Variants in LOXL2 observed in about 807,000 individuals in gnomAD.
LOXL2 encodes the protein lysyl oxidase like 2.
LOXL2 carries 70 observed loss-of-function variants against 93.0 expected under a neutral mutation model. That is an observed-to-expected ratio of 0.75 (90% CI 0.62 to 0.92). The LOEUF is 0.92. Among genes scored for constraint, LOXL2 ranks in the 40% least tolerant of loss-of-function variants. The pLI is 0.00. For missense variants in LOXL2, 973 were observed against 1,054.9 expected (o/e 0.92, Z 1.08); for synonymous variants, 438 against 413.2 (o/e 1.06, Z -0.73).
In LOXL2 at chr8:23,399,728, G is replaced by A. The variant is rs561489336; in HGVS notation, c.-84+4226C>T. The stretch of plus-strand genomic sequence containing the variant: ...TATTCTGTTATAAGCAACAGAAAAT[G>A]GACTAAAACACCTCCTAAGGCTCCC... On this transcript the variant is annotated intron_variant, in intron 1 of 13. Transcript: ENST00000389131. 3.3e-5 allele frequency among the ~76,000 whole-genome samples: 5 copies of A among 152,242 alleles called. No homozygotes were observed. In the South Asian group the frequency reaches 1.0e-3, roughly 32 times the overall value.
At chr8:23,346,268 C>A (rs939263887) in intron 3 of LOXL2, among the ~76,000 whole-genome samples, 5 of 151,818 alleles carry the variant, frequency 3.3e-5, no homozygotes, top group African/African-American at 1.2e-4. Context: ...GCACCCTGCA[C>A]ATATTAAAAT....
At chr8:23,320,909 A>C (rs1354432744) in intron 7 of LOXL2, among the ~76,000 whole-genome samples, 1 of 152,164 alleles carries the variant, frequency 6.6e-6, no homozygotes, top group East Asian at 1.9e-4. Flanking sequence ...CCGTCTCAAA[A>C]AACAAACGAA....
At chr8:23,339,808 T>A (rs1411795151) in intron 4 of LOXL2, among the ~76,000 whole-genome samples, 2 of 152,210 alleles carry the variant, frequency 1.3e-5, no homozygotes, top group East Asian at 3.9e-4. Context: ...ATGGCCAGCC[T>A]GGGGTGTTGT....
At chr8:23,334,349 C>G (rs193169998) in intron 4 of LOXL2, among the ~76,000 whole-genome samples, 1 of 152,310 alleles carries the variant, frequency 6.6e-6, no homozygotes, top group African/African-American at 2.4e-5. Flanking sequence ...TGTTGTCATT[C>G]TTTAGCTTTA....
intron 1 of LOXL2, among the ~76,000 whole-genome samples, chr8:23,395,329 A>C (rs562984746): frequency 4.6e-5 from 7 of 151,978 alleles, no homozygotes; most frequent in Admixed American, 1.3e-4. Flanking sequence ...AAAAAAAAAA[A>C]AAAAAACCAC....
Position 23,316,985 on chromosome 8 carries a change from C to A in LOXL2, c.1600G>T (p.Gly534Ter). 1 of 1,613,430 alleles carries A rather than the reference C, an allele frequency of 6.2e-7. No homozygotes were observed. Among genetic ancestry groups the A allele is most frequent in the Non-Finnish European group, 8.5e-7 (1 of 1,179,664 alleles). The change falls in exon 9 of 14, where the codon GGA becomes TGA. Residue 534 changes from glycine to a stop codon, truncating the protein, a stop_gained. Transcript: ENST00000389131. LOFTEE classifies it high-confidence loss of function. ...DGEDVACPQGGVQYGAGVACS... is the reference protein window; with the variant it reads ...DGEDVACPQG ...GCAACTCCGGCCCCGTACTGCACTC[C>A]GCCCTGGGGGCAGGCCACGTCCTCC...
At chr8:23,304,373 C>T (rs889777731) in intron 10 of LOXL2, among the ~76,000 whole-genome samples, 1 of 152,208 alleles carries the variant, frequency 6.6e-6, no homozygotes, top group African/African-American at 2.4e-5. Context: ...CTTCCCGAAG[C>T]CTGCACTGCC....
At chr8:23,353,383 T>G (rs1485948716) in intron 3 of LOXL2, among the ~76,000 whole-genome samples, 1 of 151,412 alleles carries the variant, frequency 6.6e-6, no homozygotes, top group Non-Finnish European at 1.5e-5. Context: ...TTACCTCCTT[T>G]TAAGAAAGTT....
At chr8:23,336,748 C>A (rs1478217837) in intron 4 of LOXL2, 1 of 152,210 alleles carries the variant, frequency 6.6e-6, no homozygotes, top group South Asian at 2.1e-4. Flanking sequence ...ACCCATAAGC[C>A]CCCACTTTGA....
chr8:23,327,967 T>C (rs1249943798), intron 6 of LOXL2, among the ~76,000 whole-genome samples: 2 of 152,144 alleles, frequency 1.3e-5, no homozygotes, highest in African/African-American at 4.8e-5. Context: ...AAAAGTAAGA[T>C]GGCATTTGGT....
At chr8:23,320,953 A>C (rs1457694698) in intron 7 of LOXL2, among the ~76,000 whole-genome samples, 1 of 152,198 alleles carries the variant, frequency 6.6e-6, no homozygotes, top group Non-Finnish European at 1.5e-5. Flanking sequence ...GCTTGGCCAC[A>C]TATCATAGTT....
intron 1 of LOXL2, among the ~76,000 whole-genome samples, chr8:23,383,287 C>T (rs569706576): frequency 2.8e-4 from 42 of 152,176 alleles, no homozygotes; most frequent in Non-Finnish European, 5.0e-4. Context: ...TTAAGAGCCT[C>T]AATTTCTTCT....
chr8:23,328,583 C>G lies in LOXL2; in HGVS notation c.967-18G>C, dbSNP rs1457685798. 1.9e-6 allele frequency: 3 copies of G among 1,612,834 alleles called. No individual in the cohort carries two copies. The highest frequency in any genetic ancestry group is 2.5e-6 in the Non-Finnish European group (3 of 1,179,730). On this transcript the variant is annotated intron_variant, in intron 5 of 13. Transcript: ENST00000389131. ...AGGGGTTGCTGAAGAGACACACGGTCCTGCTGAGTACAGACGCTGATGCAC... is the reference window on the plus strand; with the variant it reads ...AGGGGTTGCTGAAGAGACACACGGTGCTGCTGAGTACAGACGCTGATGCAC...
intron 1 of LOXL2, among the ~76,000 whole-genome samples, chr8:23,373,058 A>T (rs1261264617): frequency 6.6e-6 from 1 of 152,236 alleles, no homozygotes; most frequent in East Asian, 1.9e-4. Context: ...AACCATTAAT[A>T]AAAGAACAAG....
chr8:23,385,845 TA>T, intron 1 of LOXL2: 1 of 679,290 alleles, frequency 1.5e-6, no homozygotes, highest in East Asian at 2.6e-5. Flanking sequence ...ATACAAAAAT[TA>T]TTAATGAGAT....
At chr8:23,298,798 CCCG>C in intron 13 of LOXL2, 35 bp downstream of exon 13, 1 of 1,347,724 alleles carries the variant, frequency 7.4e-7, no homozygotes, top group Non-Finnish European at 1.1e-6. Flanking sequence ...TAGGGCAGCT[CCCG>C]CCTGCTTCCT....
intron 1 of LOXL2, among the ~76,000 whole-genome samples, chr8:23,379,692 T>C (rs892477445): frequency 6.6e-6 from 1 of 152,130 alleles, no homozygotes; most frequent in African/African-American, 2.4e-5. Context: ...CTCAGACTGC[T>C]GTGCTAGCAA....
intron 6 of LOXL2, among the ~76,000 whole-genome samples, chr8:23,326,429 G>A (rs148084978): frequency 5.2e-4 from 79 of 152,126 alleles, no homozygotes; most frequent in Admixed American, 2.2e-3. Context: ...CCCACACATC[G>A]GCCAATCAGT....
intron 4 of LOXL2, among the ~76,000 whole-genome samples, chr8:23,334,318 C>T (rs1358921406): frequency 1.3e-5 from 2 of 152,226 alleles, no homozygotes; most frequent in Non-Finnish European, 2.9e-5. Flanking sequence ...GGATTATAGG[C>T]ATGGGCCACT....
Sources: allele counts gnomAD v4.1 joint callset (sites outside exome capture counted in the v4.1 genomes callset), GRCh38; gene constraint gnomAD v4.1.1; transcripts MANE v1.5; gene names NCBI Gene and HGNC (gene_info 2026-07-23, HGNC 2026-07-21).